The following HCRTR2 variants were observed in gnomAD, a reference collection of about 807,000 sequenced individuals.
HCRTR2 encodes orexin receptor type 2.
HCRTR2 carries 22 observed loss-of-function variants against 49.0 expected under a neutral mutation model. That is an observed-to-expected ratio of 0.45 (90% CI 0.32 to 0.64). The LOEUF (loss-of-function observed/expected upper bound fraction) is 0.64. HCRTR2 is among the 30% of genes least tolerant of loss of function. The pLI is 0.04. For missense variants in HCRTR2, 491 were observed against 559.4 expected (o/e 0.88, Z 1.23); for synonymous variants, 236 against 205.3 (o/e 1.15, Z -1.28).
chr6:55,140,023 T>A (rs544465301), intron 1 of HCRTR2, among the ~76,000 whole-genome samples: 1 of 152,308 alleles, frequency 6.6e-6, no homozygotes, highest in South Asian at 2.1e-4. Context: ...TTTAGTAGAC[T>A]ATGACAAAGC....
At chr6:55,175,134 T>C (rs1027571408) in intron 1 of HCRTR2, among the ~76,000 whole-genome samples, 1 of 151,458 alleles carries the variant, frequency 6.6e-6, no homozygotes, top group Admixed American at 6.6e-5. Flanking sequence ...TGTGTGTGTG[T>C]GGGTGGGTAG....
intron 1 of HCRTR2, among the ~76,000 whole-genome samples, chr6:55,186,580 C>T (rs947681203): frequency 3.9e-5 from 6 of 152,156 alleles, no homozygotes; most frequent in Admixed American, 3.9e-4. Flanking sequence ...AAGTAAGATA[C>T]ACCAAGATTT....
chr6:55,226,749 G>A (rs1417484991), intron 1 of HCRTR2, among the ~76,000 whole-genome samples: 5 of 108,740 alleles, frequency 4.6e-5, no homozygotes, highest in East Asian at 2.8e-4. Context: ...ACAGAGTCTC[G>A]CTCTGTCGCC....
At chr6:55,113,059 G>A (rs1298510331) in intron 1 of HCRTR2, among the ~76,000 whole-genome samples, 2 of 152,024 alleles carry the variant, frequency 1.3e-5, no homozygotes, top group Non-Finnish European at 2.9e-5. Context: ...ATGGTGCTAG[G>A]ATAACTGGCA....
chr6:55,190,171 C>T (rs1162103427), intron 1 of HCRTR2, among the ~76,000 whole-genome samples: 1 of 152,282 alleles, frequency 6.6e-6, no homozygotes, highest in Middle Eastern at 3.4e-3. Context: ...TAAACAAATT[C>T]ATTAGTTCAA....
intron 1 of HCRTR2, among the ~76,000 whole-genome samples, chr6:55,244,239 C>T (rs919770004): frequency 2.6e-5 from 4 of 152,132 alleles, no homozygotes; most frequent in Admixed American, 2.0e-4. Flanking sequence ...AGAGTTAATA[C>T]AACAAGACAT....
intron 1 of HCRTR2, among the ~76,000 whole-genome samples, chr6:55,228,200 G>A (rs867132950): frequency 2.0e-5 from 3 of 148,634 alleles, no homozygotes; most frequent in Non-Finnish European, 4.5e-5. Flanking sequence ...GAAGTCAAGC[G>A]GAATGGGGAT....
chr6:55,136,590 ATATAT>A (rs1425021485), intron 1 of HCRTR2, among the ~76,000 whole-genome samples: 1 of 152,196 alleles, frequency 6.6e-6, no homozygotes, highest in Non-Finnish European at 1.5e-5. Context: ...AATAGATAAA[ATATAT>A]TATATCATCT....
At chr6:55,113,721 A>G (rs1448064199) in intron 1 of HCRTR2, among the ~76,000 whole-genome samples, 1 of 152,010 alleles carries the variant, frequency 6.6e-6, no homozygotes, top group Non-Finnish European at 1.5e-5. Context: ...TACAACCACT[A>G]TGGAAAACAG....
chr6:55,118,946 C>T (rs946848792), intron 1 of HCRTR2, among the ~76,000 whole-genome samples: 1 of 151,920 alleles, frequency 6.6e-6, no homozygotes, highest in African/African-American at 2.4e-5. Flanking sequence ...TATCCCCCAA[C>T]CCCCTAACAG....
intron 1 of HCRTR2, 127 bp from the exon 2 acceptor site, chr6:55,248,512 G>T (rs962941430): frequency 1.3e-6 from 1 of 775,270 alleles, no homozygotes; most frequent in Non-Finnish European, 2.2e-6. Flanking sequence ...GTGAAAACAC[G>T]GCACAGCCTT....
intron 2 of HCRTR2, among the ~76,000 whole-genome samples, chr6:55,250,924 T>C (rs9349774): frequency 0.33 from 50,421 of 151,996 alleles, 8,931 homozygotes; most frequent in African/African-American, 0.45. Context: ...TTACCCCATC[T>C]AACATTACTT....
At chr6:55,138,757 T>C (rs1049077208) in intron 1 of HCRTR2, among the ~76,000 whole-genome samples, 9 of 152,336 alleles carry the variant, frequency 5.9e-5, no homozygotes, top group Middle Eastern at 3.4e-3. Flanking sequence ...TTCAAATATT[T>C]CTAAATGGGT....
chr6:55,177,160 C>A (rs972489909), intron 1 of HCRTR2, among the ~76,000 whole-genome samples: 3 of 152,182 alleles, frequency 2.0e-5, no homozygotes, highest in African/African-American at 7.2e-5. Flanking sequence ...GCACTGTCCA[C>A]AGCCCCAAGT....
chr6:55,134,209 G>GTTTT (rs1349116943), intron 1 of HCRTR2, among the ~76,000 whole-genome samples: 3 of 134,524 alleles, frequency 2.2e-5, no homozygotes, highest in African/African-American at 9.1e-5. Flanking sequence ...TGATTATTCT[G>GTTTT]TTTTTGTTTG....
intron 1 of HCRTR2, among the ~76,000 whole-genome samples, chr6:55,129,043 G>A (rs1232962616): frequency 6.6e-6 from 1 of 151,914 alleles, no homozygotes; most frequent in African/African-American, 2.4e-5. Context: ...TTTTGTTTTG[G>A]TTTTATTTTG....
intron 1 of HCRTR2, among the ~76,000 whole-genome samples, chr6:55,134,211 T>TTTTGTTTG (rs146948526): frequency 1.2e-3 from 175 of 151,002 alleles, no homozygotes; most frequent in South Asian, 2.3e-3. Flanking sequence ...ATTATTCTGT[T>TTTTGTTTG]TTTGTTTGTT....
intron 1 of HCRTR2, among the ~76,000 whole-genome samples, chr6:55,205,923 C>T (rs1183952767): frequency 6.6e-6 from 1 of 151,880 alleles, no homozygotes; most frequent in Non-Finnish European, 1.5e-5. Flanking sequence ...CGTTGCATGC[C>T]TATTTCAAAA....
intron 1 of HCRTR2, among the ~76,000 whole-genome samples, chr6:55,205,973 C>T (rs1316559143): frequency 6.6e-6 from 1 of 151,744 alleles, no homozygotes; most frequent in African/African-American, 2.4e-5. Flanking sequence ...CTACTATGTA[C>T]CCACAAAAAT....
Sources: gnomAD v4.1 joint callset for allele counts (sites outside exome capture counted in the v4.1 genomes callset) on GRCh38, gnomAD v4.1.1 for gene constraint, MANE v1.5 for transcripts, NCBI Gene and HGNC (gene_info 2026-07-23, HGNC 2026-07-21) for gene names.